ARHGAP23: variants seen among roughly 807,000 people sequenced by gnomAD.
ARHGAP23 encodes Rho GTPase activating protein 23, also known as rho GTPase-activating protein 23.
A neutral mutation model predicts 136.3 loss-of-function variants in ARHGAP23; 34 were observed. The observed-to-expected ratio is 0.25, with a 90% CI of 0.19 to 0.33. The LOEUF (loss-of-function observed/expected upper bound fraction) is 0.33. Ranked by LOEUF, ARHGAP23 falls within the 10% of genes least tolerant of loss-of-function variation. The pLI, the probability that ARHGAP23 is intolerant of heterozygous loss-of-function variation, is 1.00. For missense variants in ARHGAP23, 1,808 were observed against 2,139.0 expected (o/e 0.85, Z 3.05); for synonymous variants, 832 against 920.5 (o/e 0.90, Z 1.74).
intron 10 of ARHGAP23, among the ~76,000 whole-genome samples, chr17:38,470,468 G>C (rs2039724499): frequency 1.3e-5 from 2 of 152,264 alleles, no homozygotes; most frequent in South Asian, 4.1e-4. Flanking sequence ...ACACAGGGTT[G>C]AGACTGGTGG....
chr17:38,482,490 GT>G, intron 15 of ARHGAP23, 32 bp from the exon 16 acceptor site: 1 of 1,514,508 alleles, frequency 6.6e-7, no homozygotes, highest in Non-Finnish European at 8.9e-7. Flanking sequence ...TCTGGCCCCT[GT>G]CCCCCCTAAC....
chr17:38,486,192 C>A, intron 17 of ARHGAP23, 52 bp downstream of exon 17: 1 of 1,435,110 alleles, frequency 7.0e-7, no homozygotes, highest in African/African-American at 1.4e-5. Flanking sequence ...CCGTGCCTCA[C>A]CCTGACCACT....
intron 1 of ARHGAP23, among the ~76,000 whole-genome samples, chr17:38,440,680 G>A (rs992140355): frequency 2.0e-5 from 3 of 152,210 alleles, no homozygotes; most frequent in South Asian, 2.1e-4. Context: ...AAGAGGAACC[G>A]GCTCTGAAGG....
chr17:38,426,428 T>C (rs1215823707), upstream of ARHGAP23, among the ~76,000 whole-genome samples: 1 of 151,450 alleles, frequency 6.6e-6, no homozygotes, highest in African/African-American at 2.4e-5. Flanking sequence ...TAGGCGCCTG[T>C]AATCCCAGCT....
At position 38,469,613 on chromosome 17, in the gene ARHGAP23, C is replaced by G; in HGVS notation, c.1894C>G (p.Arg632Gly). 6.5e-7 allele frequency: 1 copy of G among 1,548,806 alleles called. No individual in the cohort carries two copies. Among genetic ancestry groups the G allele is most frequent in the Non-Finnish European group, 8.7e-7 (1 of 1,146,726 alleles). ...CTGCGATGATGGACTCAACACCTTC[C>G]GCGACGAGGGCCGGGTTCTGCGGTG... Reference protein sequence around the residue: ...KSCDDGLNTFRDEGRVLRRLP... With the variant: ...KSCDDGLNTFGDEGRVLRRLP... Residue 632 changes from arginine to glycine, a missense_variant, in exon 9 of 24, where the codon CGC (arginine) becomes GGC (glycine). Physicochemically the swap from Arg to Gly is moderately radical, Grantham distance 125. This residue lies in a region of ARHGAP23 where 859 missense variants were observed against 936.4 expected (regional missense o/e 0.92). Transcript: ENST00000622683.
Position 38,463,309 on chromosome 17 carries a change from G to A in ARHGAP23, c.429-19G>A, listed in dbSNP as rs983223140. The A allele has an allele frequency of 1.4e-5, 21 of 1,551,502 alleles. No homozygotes were observed. The African/African-American group carries it at 2.1e-4, about 15-fold the overall frequency. On this transcript the variant is annotated intron_variant, in intron 5 of 23. Coordinates refer to ENST00000622683, the MANE Select transcript of ARHGAP23 (RefSeq NM_001199417.2). ...ACCCTGTTCCTTGACCCAGCCTGACGTTCTGCCTGTCTCTGTAGTGATGAC... is the reference window on the plus strand; with the variant it reads ...ACCCTGTTCCTTGACCCAGCCTGACATTCTGCCTGTCTCTGTAGTGATGAC...
At chr17:38,456,047 T>TC (rs1044525687) in intron 1 of ARHGAP23, among the ~76,000 whole-genome samples, 1 of 152,186 alleles carries the variant, frequency 6.6e-6, no homozygotes, top group Non-Finnish European at 1.5e-5. Flanking sequence ...TGGGTAGTTT[T>TC]CCAGACCGTA....
intron 12 of ARHGAP23, 137 bp downstream of exon 12, chr17:38,478,033 G>C (rs2039939835): frequency 4.1e-6 from 4 of 973,010 alleles, no homozygotes; most frequent in Non-Finnish European, 6.2e-6. Context: ...CCTCGTGATT[G>C]TGTCCCCCAA....
chr17:38,481,602 T>G (rs554274789), intron 14 of ARHGAP23, among the ~76,000 whole-genome samples: 1 of 152,352 alleles, frequency 6.6e-6, no homozygotes, highest in South Asian at 2.1e-4. Flanking sequence ...AAAAAAAATT[T>G]TTTTTAATTA....
chr17:38,429,319 C>G (rs916432894), intron 1 of ARHGAP23, among the ~76,000 whole-genome samples: 14 of 152,360 alleles, frequency 9.2e-5, no homozygotes, highest in Non-Finnish European at 1.9e-4. Flanking sequence ...CCCATCCCCC[C>G]ATCAGGGCCA....
intron 1 of ARHGAP23, among the ~76,000 whole-genome samples, chr17:38,437,799 G>GA (rs11396423): frequency 0.063 from 9,557 of 151,464 alleles, 1,024 homozygotes; most frequent in African/African-American, 0.22. Flanking sequence ...TAACGAAGGG[G>GA]GGGGAGGGCA....
intron 1 of ARHGAP23, among the ~76,000 whole-genome samples, chr17:38,432,285 C>T (rs1171114575): frequency 6.6e-6 from 1 of 152,188 alleles, no homozygotes; most frequent in Non-Finnish European, 1.5e-5. Flanking sequence ...ACCTGTAATC[C>T]CAGCACTTTG....
chr17:38,460,067 G>A (rs939032259), intron 2 of ARHGAP23, among the ~76,000 whole-genome samples: 2 of 152,176 alleles, frequency 1.3e-5, no homozygotes, highest in African/African-American at 4.8e-5. Flanking sequence ...GACGCTGAAG[G>A]TCTGATCCAG....
intron 2 of ARHGAP23, 89 bp from the exon 3 acceptor site, chr17:38,460,816 C>G (rs1035981578): frequency 3.3e-6 from 5 of 1,535,372 alleles, no homozygotes; most frequent in South Asian, 1.2e-5. Flanking sequence ...GTGGCGGGAA[C>G]CTGAAGGGGC....
intron 1 of ARHGAP23, among the ~76,000 whole-genome samples, chr17:38,437,555 T>C (rs779788095): frequency 3.9e-5 from 6 of 151,948 alleles, no homozygotes; most frequent in Admixed American, 6.6e-5. Flanking sequence ...AGTTTGAGGC[T>C]ACAGTGAGCT....
At chr17:38,490,408 G>T in intron 18 of ARHGAP23, 54 bp from the exon 19 acceptor site, 2 of 1,365,654 alleles carry the variant, frequency 1.5e-6, no homozygotes, top group South Asian at 2.5e-5. Flanking sequence ...GATGACGGGG[G>T]ACAGGGGCAG....
chr17:38,507,300 T>TAATAATAAC (rs745375857), intron 23 of ARHGAP23, among the ~76,000 whole-genome samples: 4 of 150,274 alleles, frequency 2.7e-5, no homozygotes, highest in Admixed American at 6.6e-5. Flanking sequence ...ATAATAATAA[T>TAATAATAAC]AATAATGCTC....
chr17:38,450,290 G>T (rs1356127422), intron 1 of ARHGAP23: 1 of 152,250 alleles, frequency 6.6e-6, no homozygotes, highest in Non-Finnish European at 1.5e-5. Flanking sequence ...TTAAACAAGA[G>T]GGTAATGGAA....
chr17:38,422,443 C>T (rs543943834), intron 1 of ARHGAP23, among the ~76,000 whole-genome samples: 3 of 152,292 alleles, frequency 2.0e-5, no homozygotes, highest in East Asian at 3.9e-4. Context: ...TCCGTGCCAC[C>T]GGCCTTCCCT....
Sources: allele counts gnomAD v4.1 joint callset (sites outside exome capture counted in the v4.1 genomes callset), GRCh38; gene constraint gnomAD v4.1.1; regional missense constraint gnomAD v4.1.1; transcripts MANE v1.5; gene names NCBI Gene and HGNC (gene_info 2026-07-23, HGNC 2026-07-21).